The following HEXA variants were observed in gnomAD, a reference collection of about 807,000 sequenced individuals.
HEXA encodes beta-hexosaminidase subunit alpha.
HEXA carries 54 observed loss-of-function variants against 73.3 expected under a neutral mutation model. The observed-to-expected ratio is 0.74, with a 90% CI of 0.59 to 0.92. HEXA has a LOEUF of 0.92. Among genes scored for constraint, HEXA ranks in the 40% least tolerant of loss-of-function variants. The pLI, the probability that HEXA is intolerant of heterozygous loss-of-function variation, is 0.00. For missense variants in HEXA, 649 were observed against 653.0 expected, an observed-to-expected ratio of 0.99 and a Z score of 0.07; for synonymous variants, 230 against 246.9, an observed-to-expected ratio of 0.93 and a Z score of 0.64.
rs2140321766 is a variant in HEXA, at chr15:72,347,669, T to C, written c.1146+17A>G. On this transcript the variant is annotated intron_variant, in intron 10 of 13. Transcript: ENST00000268097. The stretch of plus-strand genomic sequence containing the variant: ...AGGCACTGCTGGTGGCTTCTTCTCT[T>C]CTCTGCCCCGGCTCACCTTTACTTT... The C allele has an allele frequency of 1.2e-6, 2 of 1,612,260 alleles. No homozygotes were observed. Among genetic ancestry groups the C allele is most frequent in the Non-Finnish European group, 1.7e-6 (2 of 1,178,262 alleles).
chr15:72,355,766 T>C, intron 2 of HEXA, 142 bp from the exon 3 acceptor site: 2 of 677,980 alleles, frequency 2.9e-6, no homozygotes, highest in Non-Finnish European at 5.3e-6. Context: ...AATGAGGAGA[T>C]GTCCCCAGAG....
At chr15:72,365,954 CAT>C (rs1175688736) in intron 1 of HEXA, among the ~76,000 whole-genome samples, 1 of 152,152 alleles carries the variant, frequency 6.6e-6, no homozygotes, top group East Asian at 1.9e-4. Flanking sequence ...TATTTTTATA[CAT>C]GTTGCTTCCT....
At chr15:72,355,130 T>C (rs2088757617) in intron 3 of HEXA, 1 of 278,850 alleles carries the variant, frequency 3.6e-6, no homozygotes. Context: ...CCAGAGCCCC[T>C]GACTAGGGCA....
At chr15:72,366,580 G>A (rs2088919079) in intron 1 of HEXA, among the ~76,000 whole-genome samples, 1 of 152,070 alleles carries the variant, frequency 6.6e-6, no homozygotes, top group Admixed American at 6.6e-5. Context: ...CAAAGTGCTG[G>A]GATTACAGGT....
intron 6 of HEXA, 116 bp from the exon 7 acceptor site, chr15:72,350,766 G>T: frequency 8.8e-7 from 1 of 1,136,734 alleles, no homozygotes; most frequent in Non-Finnish European, 1.3e-6. Context: ...ATAGCCCTTT[G>T]GTGTCAGGGA....
chr15:72,368,465 T>G (rs2088945705), intron 1 of HEXA, among the ~76,000 whole-genome samples: 1 of 152,222 alleles, frequency 6.6e-6, no homozygotes, highest in Non-Finnish European at 1.5e-5. Context: ...AACACTGACC[T>G]CACAGAGCTG....
chr15:72,346,378 C>T (rs1595796993), intron 11 of HEXA, 53 bp from the exon 12 acceptor site: 1 of 1,527,032 alleles, frequency 6.5e-7, no homozygotes, highest in African/African-American at 1.4e-5. Context: ...ACTCCAGGGT[C>T]CCTCTCAACC....
chr15:72,370,697 T>TAAAAAAAAAAAACA, intron 1 of HEXA: 2 of 338,634 alleles, frequency 5.9e-6, no homozygotes, highest in Non-Finnish European at 5.1e-6. Flanking sequence ...ACCTGTTTCT[T>TAAAAAAAAAAAACA]AAAAAAAAAA....
chr15:72,344,035 T>C lies in HEXA; in HGVS notation c.*42A>G, dbSNP rs752413673. 17 of 1,553,016 alleles carry C rather than the reference T, an allele frequency of 1.1e-5. No homozygotes were observed. The Admixed American group carries it at 2.7e-4, about 24-fold the overall frequency. ...GGATGCAGTGGAAGCCTGGCTCCAC[T>C]ACCATTCACCTACAGCCAGCACCCT... On this transcript the variant is annotated 3_prime_UTR_variant, in exon 14 of 14. Transcript: ENST00000268097.
chr15:72,346,810 T>G, intron 10 of HEXA, 100 bp from the exon 11 acceptor site: 2 of 1,094,020 alleles, frequency 1.8e-6, no homozygotes, highest in Admixed American at 3.4e-5. Context: ...ATGTGCTCCC[T>G]CTGTTCCCCA....
intron 5 of HEXA, among the ~76,000 whole-genome samples, chr15:72,352,738 A>G (rs554626886): frequency 2.0e-3 from 304 of 148,602 alleles, no homozygotes; most frequent in African/African-American, 7.2e-3. Flanking sequence ...ATCTCCACCC[A>G]CTGCAACCTC....
intron 12 of HEXA, 144 bp from the exon 13 acceptor site, chr15:72,345,694 C>T (rs1476679281): frequency 7.0e-7 from 1 of 1,420,254 alleles, no homozygotes; most frequent in African/African-American, 1.4e-5. Context: ...TGAGCCACAG[C>T]CAGGTTGGAT....
intron 1 of HEXA, among the ~76,000 whole-genome samples, chr15:72,373,876 G>A (rs2089023690): frequency 6.6e-6 from 1 of 152,040 alleles, no homozygotes; most frequent in Non-Finnish European, 1.5e-5. Flanking sequence ...GCAAGCACGT[G>A]TAGTCCCACC....
intron 1 of HEXA, among the ~76,000 whole-genome samples, chr15:72,365,946 T>C (rs1465785170): frequency 6.6e-6 from 1 of 152,198 alleles, no homozygotes; most frequent in African/African-American, 2.4e-5. Context: ...TGCACTTCTA[T>C]TTTTATACAT....
chr15:72,359,885 T>C (rs1016345382), intron 1 of HEXA: 6 of 151,842 alleles, frequency 4.0e-5, no homozygotes, highest in African/African-American at 1.5e-4. Flanking sequence ...TATAGAGTAA[T>C]TTTGCCTTAT....
In HEXA at chr15:72,365,129, G is replaced by A. The variant is rs185398905; in HGVS notation, c.254-8512C>T. On this transcript the variant is annotated intron_variant, in intron 1 of 13. Transcript: ENST00000268097. Reference sequence around the variant, plus strand: ...TTTTGAGACGGAGTCTCGCTCTGTCGCCCAGGCTGGAGTGCAATGGCGCGA... The same window carrying A: ...TTTTGAGACGGAGTCTCGCTCTGTCACCCAGGCTGGAGTGCAATGGCGCGA... 1.6e-3 allele frequency among the ~76,000 whole-genome samples: 244 copies of A among 151,102 alleles called. 1 individual carries two copies. Among genetic ancestry groups the A allele is most frequent in the African/African-American group, 5.8e-3 (237 of 41,120 alleles).
At chr15:72,350,762 C>A in intron 6 of HEXA, 112 bp from the exon 7 acceptor site, 1 of 1,214,032 alleles carries the variant, frequency 8.2e-7, no homozygotes, top group South Asian at 1.2e-5. Context: ...GCCCATAGCC[C>A]TTTGGTGTCA....
chr15:72,346,774 TAC>T (rs1595797396), intron 10 of HEXA, 64 bp from the exon 11 acceptor site: 11 of 1,473,448 alleles, frequency 7.5e-6, no homozygotes, highest in Non-Finnish European at 1.0e-5. Context: ...GCCTTATTCA[TAC>T]ACAGGCAACA....
chr15:72,347,234 A>G (rs1567296312), intron 10 of HEXA, among the ~76,000 whole-genome samples: 1 of 45,398 alleles, frequency 2.2e-5, no homozygotes, highest in African/African-American at 3.8e-5. Context: ...GTGAGGGAAG[A>G]TAGAAACTCT....
Sources: gnomAD v4.1 joint callset for allele counts (sites outside exome capture counted in the v4.1 genomes callset) on GRCh38, gnomAD v4.1.1 for gene constraint, MANE v1.5 for transcripts, NCBI Gene and HGNC (gene_info 2026-07-23, HGNC 2026-07-21) for gene names.